The following FOCAD variants were observed in gnomAD, a reference collection of about 807,000 sequenced individuals.
FOCAD encodes the protein KIAA1797.
A neutral mutation model predicts 225.6 loss-of-function variants in FOCAD; 198 were observed. The observed-to-expected ratio is 0.88, with a 90% confidence interval of 0.78 to 0.99. The LOEUF is 0.99. FOCAD is among the 50% of genes least tolerant of loss of function. The pLI is 0.00. For missense variants in FOCAD, 2,713 were observed against 2,123.6 expected (o/e 1.28, Z -5.46); for synonymous variants, 897 against 755.0 (o/e 1.19, Z -3.08).
intron 15 of FOCAD, among the ~76,000 whole-genome samples, chr9:20,841,582 A>G (rs1489562464): frequency 1.3e-5 from 2 of 151,748 alleles, no homozygotes; most frequent in African/African-American, 4.8e-5. Flanking sequence ...GATACTTTGA[A>G]TTTCTGCAGT....
At chr9:20,893,313 C>G (rs1348006432) in intron 21 of FOCAD, among the ~76,000 whole-genome samples, 1 of 149,182 alleles carries the variant, frequency 6.7e-6, no homozygotes, top group Non-Finnish European at 1.5e-5. Flanking sequence ...ACAAAAAAAA[C>G]TGTATGACTC....
intron 11 of FOCAD, among the ~76,000 whole-genome samples, chr9:20,794,312 G>A (rs1820838730): frequency 6.6e-6 from 1 of 152,134 alleles, no homozygotes; most frequent in Non-Finnish European, 1.5e-5. Flanking sequence ...AAATTTGAAA[G>A]CAAGAGATTT....
intron 32 of FOCAD, 88 bp downstream of exon 32, chr9:20,949,016 G>C: frequency 1.6e-6 from 2 of 1,213,572 alleles, no homozygotes; most frequent in Non-Finnish European, 2.4e-6. Context: ...AGTATGCTAA[G>C]AACAGAAGGA....
At chr9:20,909,386 G>A (rs2132034960) in intron 22 of FOCAD, among the ~76,000 whole-genome samples, 1 of 152,154 alleles carries the variant, frequency 6.6e-6, no homozygotes. Flanking sequence ...CAGAGCCTTA[G>A]CGTTTTCCAC....
At chr9:20,742,024 C>T (rs540008154) in intron 5 of FOCAD, among the ~76,000 whole-genome samples, 1 of 152,188 alleles carries the variant, frequency 6.6e-6, no homozygotes, top group South Asian at 2.1e-4. Flanking sequence ...ACTTTTACTC[C>T]ATTCACAAAG....
chr9:20,716,969 C>A (rs1169196071), intron 2 of FOCAD, among the ~76,000 whole-genome samples: 9 of 152,174 alleles, frequency 5.9e-5, no homozygotes, highest in African/African-American at 1.9e-4. Context: ...CTTGCAATTC[C>A]TGGTCAGTTC....
intron 28 of FOCAD, among the ~76,000 whole-genome samples, chr9:20,936,417 C>T (rs1365935967): frequency 6.6e-6 from 1 of 152,144 alleles, no homozygotes; most frequent in Non-Finnish European, 1.5e-5. Context: ...GTAAAATGTC[C>T]ATTTAATAGG....
intron 11 of FOCAD, among the ~76,000 whole-genome samples, chr9:20,791,435 G>T (rs909478500): frequency 2.0e-5 from 3 of 152,012 alleles, no homozygotes; most frequent in Admixed American, 6.6e-5. Context: ...TCAAATCAGG[G>T]TAATTAATAG....
At chr9:20,803,592 CTCTT>C (rs1822073612) in intron 11 of FOCAD, among the ~76,000 whole-genome samples, 1 of 152,056 alleles carries the variant, frequency 6.6e-6, no homozygotes, top group African/African-American at 2.4e-5. Context: ...TGTTTCAAAT[CTCTT>C]ATGATAGGGC....
At chr9:20,795,003 C>A (rs1283742027) in intron 11 of FOCAD, among the ~76,000 whole-genome samples, 19 of 151,874 alleles carry the variant, frequency 1.3e-4, no homozygotes, top group Admixed American at 1.2e-3. Flanking sequence ...ATCAAAATAT[C>A]CAGAAAATTT....
At position 20,781,810 on chromosome 9, in the gene FOCAD, T is replaced by C; in HGVS notation, c.1078T>C (p.Ser360Pro). The C allele has an allele frequency of 6.2e-7, 1 of 1,614,130 alleles. No homozygotes were observed. Among genetic ancestry groups the C allele is most frequent in the East Asian group, 2.2e-5 (1 of 44,866 alleles). ...LLVMPILQIL[S>P]STALEDCISV... The stretch of plus-strand genomic sequence containing the variant: ...AGTGATGCCAATTCTGCAGATACTA[T>C]CTTCTACTGCCTTGGAAGACTGTAT... Residue 360 changes from serine to proline, a missense_variant, in exon 10 of 44, where the codon TCT (serine) becomes CCT (proline). Transcript: ENST00000338382.
At chr9:20,928,823 A>G (rs890856566) in intron 26 of FOCAD, 2 of 152,308 alleles carry the variant, frequency 1.3e-5, no homozygotes, top group Non-Finnish European at 2.9e-5. Flanking sequence ...TGTTCCCACC[A>G]AAAATTTTGG....
intron 11 of FOCAD, among the ~76,000 whole-genome samples, chr9:20,802,842 A>G (rs1398478289): frequency 1.3e-5 from 2 of 152,198 alleles, no homozygotes; most frequent in Admixed American, 6.5e-5. Flanking sequence ...CTTTAGCACA[A>G]TGAATGTGGT....
chr9:20,990,020 G>C, intron 41 of FOCAD, 103 bp from the exon 42 acceptor site: 1 of 1,380,146 alleles, frequency 7.2e-7, no homozygotes, highest in Non-Finnish European at 1.0e-6. Context: ...GTTGGGTGAA[G>C]GGGAAGATGA....
chr9:20,835,649 G>A (rs1305487089), intron 15 of FOCAD, among the ~76,000 whole-genome samples: 3 of 152,048 alleles, frequency 2.0e-5, no homozygotes, highest in Admixed American at 6.6e-5. Context: ...AGAAATACAG[G>A]ATGTGCCGAA....
Position 20,789,423 on chromosome 9 carries a change from G to A in FOCAD, c.1270G>A (p.Val424Ile), listed in dbSNP as rs1196167920. 19 of 1,613,958 alleles carry A rather than the reference G, an allele frequency of 1.2e-5. No individual in the cohort carries two copies. The highest frequency in any genetic ancestry group is 2.2e-5 in the East Asian group (1 of 44,894). The change falls in exon 11 of 44, where the codon GTA becomes ATA. Residue 424 changes from valine to isoleucine, a missense_variant. By Grantham distance (29) the Val-to-Ile change is conservative (BLOSUM62 3). Transcript: ENST00000338382. ...ATTTACAGCCTGGAGGATTCTTGAA[G>A]TAATGACAGACTCGTCTGCTGCAAG... is the stretch of plus-strand genomic sequence containing the variant. ...TIFTAWRILE[V>I]MTDSSAASDW...
chr9:20,856,428 A>G (rs1828191730), intron 15 of FOCAD, among the ~76,000 whole-genome samples: 1 of 151,698 alleles, frequency 6.6e-6, no homozygotes, highest in Non-Finnish European at 1.5e-5. Context: ...CCATTTTTTG[A>G]GTGGATTGTT....
chr9:20,759,295 T>C (rs950702993), intron 6 of FOCAD, among the ~76,000 whole-genome samples: 4 of 152,130 alleles, frequency 2.6e-5, no homozygotes, highest in Non-Finnish European at 5.9e-5. Context: ...GGCATCACAC[T>C]ACCTGACTTC....
intron 2 of FOCAD, among the ~76,000 whole-genome samples, chr9:20,675,347 AAGAAG>A (rs1012140046): frequency 2.0e-5 from 3 of 152,206 alleles, no homozygotes; most frequent in African/African-American, 7.2e-5. Context: ...AAAACAAGAA[AAGAAG>A]AGAAAAGTGA....
Sources: allele counts gnomAD v4.1 joint callset (sites outside exome capture counted in the v4.1 genomes callset), GRCh38; gene constraint gnomAD v4.1.1; transcripts MANE v1.5; gene names NCBI Gene and HGNC (gene_info 2026-07-23, HGNC 2026-07-21).